The following AKAP6 variants were observed in gnomAD, a reference collection of about 807,000 sequenced individuals.
AKAP6 encodes A-kinase anchoring protein 6.
Under a neutral mutation model 188.5 loss-of-function variants are expected in AKAP6, and 58 were observed. The observed-to-expected ratio is 0.31, with a 90% confidence interval of 0.25 to 0.38. The LOEUF is 0.38. Among genes scored for constraint, AKAP6 ranks in the 10% least tolerant of loss-of-function variants. AKAP6 has a pLI of 1.00. For synonymous variants in AKAP6, 989 were observed against 998.6 expected (o/e 0.99, Z 0.18); for missense variants, 2,710 against 2,740.0 (o/e 0.99, Z 0.24).
chr14:32,824,475 G>A lies in AKAP6; in HGVS notation c.6662G>A (p.Arg2221Lys), dbSNP rs746856340. The change falls in exon 13 of 14, where the codon AGA (arginine) becomes AAA (lysine). Residue 2221 changes from arginine (R) to lysine (K), a missense_variant. By Grantham distance (26) the Arg-to-Lys change is conservative. Coordinates refer to ENST00000280979, the MANE Select transcript of AKAP6 (RefSeq NM_004274.5). The stretch of plus-strand genomic sequence containing the variant: ...CTTTCAAGTCCTTCCTCTCAGGAAA[G>A]AGCTGAGGTTGGAAAGGAAGTGAAT... ...VALSSPSSQE[R>K]AEVGKEVNGL... 1.9e-6 allele frequency: 3 copies of A among 1,613,978 alleles called. No individual in the cohort carries two copies. The highest frequency in any genetic ancestry group is 2.5e-6 in the Non-Finnish European group (3 of 1,179,966).
intron 1 of AKAP6, among the ~76,000 whole-genome samples, chr14:32,430,442 G>T (rs1017511628): frequency 6.6e-6 from 1 of 152,136 alleles, no homozygotes; most frequent in African/African-American, 2.4e-5. Context: ...TTTAGTTTAC[G>T]GTAGGATGTG....
chr14:32,625,872 T>C (rs146925396), intron 7 of AKAP6, among the ~76,000 whole-genome samples: 237 of 152,220 alleles, frequency 1.6e-3, no homozygotes, highest in Non-Finnish European at 2.8e-3. Flanking sequence ...TCAGAGGTCA[T>C]TCCAGGTGCT....
intron 7 of AKAP6, among the ~76,000 whole-genome samples, chr14:32,642,422 C>A (rs1391659340): frequency 1.3e-5 from 2 of 152,182 alleles, no homozygotes; most frequent in African/African-American, 4.8e-5. Context: ...CTGTTTAAAA[C>A]TTTAATGTAA....
intron 7 of AKAP6, among the ~76,000 whole-genome samples, chr14:32,628,795 C>G (rs1258615200): frequency 6.6e-6 from 1 of 151,586 alleles, no homozygotes; most frequent in African/African-American, 2.4e-5. Flanking sequence ...GTTATCTTTC[C>G]TAAAAATTAA....
At chr14:32,466,590 AG>A (rs1379563330) in intron 2 of AKAP6, among the ~76,000 whole-genome samples, 1 of 151,786 alleles carries the variant, frequency 6.6e-6, no homozygotes, top group Non-Finnish European at 1.5e-5. Context: ...TGGGGGACAA[AG>A]GGAGGGAGAG....
At chr14:32,424,778 T>C (rs983366402) in intron 1 of AKAP6, among the ~76,000 whole-genome samples, 2 of 152,190 alleles carry the variant, frequency 1.3e-5, no homozygotes, top group Admixed American at 1.3e-4. Flanking sequence ...CATGTGTTAA[T>C]TTGTTAAGGA....
chr14:32,665,311 T>C (rs543732544), intron 7 of AKAP6, among the ~76,000 whole-genome samples: 3 of 152,256 alleles, frequency 2.0e-5, no homozygotes, highest in African/African-American at 7.2e-5. Context: ...TGCCAAACTT[T>C]TGGCTTCAAG....
intron 5 of AKAP6, among the ~76,000 whole-genome samples, chr14:32,595,678 T>A (rs1885666088): frequency 6.6e-6 from 1 of 152,074 alleles, no homozygotes; most frequent in African/African-American, 2.4e-5. Context: ...CCAGCTAATT[T>A]AGCCTTGTTT....
intron 1 of AKAP6, among the ~76,000 whole-genome samples, chr14:32,411,899 A>G (rs1889499864): frequency 6.6e-6 from 1 of 151,484 alleles, no homozygotes; most frequent in Non-Finnish European, 1.5e-5. Context: ...GTAGAAAATT[A>G]GTTTTTCTTC....
At chr14:32,759,530 A>G (rs2032464906) in intron 11 of AKAP6, among the ~76,000 whole-genome samples, 2 of 152,222 alleles carry the variant, frequency 1.3e-5, no homozygotes, top group South Asian at 4.1e-4. Context: ...GTATGAAGCC[A>G]TTCTTGCATT....
chr14:32,458,387 G>A (rs563510845), intron 2 of AKAP6, among the ~76,000 whole-genome samples: 3 of 152,038 alleles, frequency 2.0e-5, no homozygotes, highest in African/African-American at 7.2e-5. Context: ...ATTCATGAGT[G>A]GTAATGATGT....
intron 1 of AKAP6, among the ~76,000 whole-genome samples, chr14:32,391,193 A>C (rs1888703252): frequency 6.6e-6 from 1 of 152,196 alleles, no homozygotes; most frequent in Non-Finnish European, 1.5e-5. Context: ...AGCTTAAAGC[A>C]AATAGCAGAT....
rs535238669 is a variant in AKAP6 at position 32,660,813 on chromosome 14, C to G, written c.2731-17498C>G. Among the ~76,000 whole-genome samples the G allele has an allele frequency of 3.9e-5, 6 of 152,014 alleles. No individual in the cohort carries two copies. In the East Asian group the frequency reaches 1.2e-3, roughly 29 times the overall value. ...GAGGGAAGTGGAGTATTTAACAACTCAATTCACCATTCCTGTTTCTTAATT... is the reference window on the plus strand; with the variant it reads ...GAGGGAAGTGGAGTATTTAACAACTGAATTCACCATTCCTGTTTCTTAATT... On this transcript the variant is annotated intron_variant, in intron 7 of 13. Transcript: ENST00000280979.
chr14:32,334,061 C>A (rs768168215), intron 1 of AKAP6, among the ~76,000 whole-genome samples: 5 of 152,108 alleles, frequency 3.3e-5, no homozygotes, highest in Non-Finnish European at 5.9e-5. Flanking sequence ...TTTCTCGAAA[C>A]AATCATATTG....
At chr14:32,486,853 G>A (rs1462269774) in intron 2 of AKAP6, among the ~76,000 whole-genome samples, 2 of 152,282 alleles carry the variant, frequency 1.3e-5, no homozygotes, top group African/African-American at 4.8e-5. Context: ...CCAACGCTAT[G>A]TTGAATAGGA....
At chr14:32,557,788 T>C (rs1182701347) in intron 4 of AKAP6, among the ~76,000 whole-genome samples, 2 of 152,228 alleles carry the variant, frequency 1.3e-5, no homozygotes, top group Non-Finnish European at 1.5e-5. Flanking sequence ...CTCTGTATTC[T>C]CTCTTCCTTT....
At chr14:32,627,862 A>G (rs1307876602) in intron 7 of AKAP6, among the ~76,000 whole-genome samples, 1 of 152,048 alleles carries the variant, frequency 6.6e-6, no homozygotes, top group Non-Finnish European at 1.5e-5. Context: ...GTGGTCTCAA[A>G]TGGTGGGGAT....
At chr14:32,493,458 G>T (rs1880146448) in intron 2 of AKAP6, among the ~76,000 whole-genome samples, 1 of 152,082 alleles carries the variant, frequency 6.6e-6, no homozygotes, top group Non-Finnish European at 1.5e-5. Context: ...TGATCCTCCT[G>T]CTTCAGCCTC....
chr14:32,500,966 G>A (rs1295422934), intron 2 of AKAP6, among the ~76,000 whole-genome samples: 1 of 152,096 alleles, frequency 6.6e-6, no homozygotes, highest in African/African-American at 2.4e-5. Flanking sequence ...GTTTCCCATT[G>A]CAAGTGCATT....
Sources: allele counts gnomAD v4.1 joint callset (sites outside exome capture counted in the v4.1 genomes callset), GRCh38; gene constraint gnomAD v4.1.1; transcripts MANE v1.5; gene names NCBI Gene and HGNC (gene_info 2026-07-23, HGNC 2026-07-21).